NRG1: variants seen among roughly 807,000 people sequenced by gnomAD.
NRG1 encodes pro-neuregulin-1, membrane-bound isoform.
NRG1 carries 18 observed loss-of-function variants against 63.8 expected under a neutral mutation model. The ratio of observed to expected loss-of-function variants is 0.28; its 90% CI spans 0.19 to 0.42. The LOEUF (loss-of-function observed/expected upper bound fraction) is 0.42, where lower values mean the gene tolerates loss of function less well. Ranked by LOEUF, NRG1 falls within the 10% of genes least tolerant of loss-of-function variation. The probability of loss-of-function intolerance (pLI) is 1.00; values close to 1 mark genes in which losing one functional copy is unlikely to be tolerated. For synonymous variants in NRG1, 302 were observed against 301.3 expected, an observed-to-expected ratio of 1.00 and a Z score of -0.02; for missense variants, 762 against 814.7, an observed-to-expected ratio of 0.94 and a Z score of 0.79.
At chr8:32,231,894 C>CAAA (rs11292016) in intron 1 of NRG1, among the ~76,000 whole-genome samples, 1 of 135,822 alleles carries the variant, frequency 7.4e-6, no homozygotes, top group Non-Finnish European at 1.6e-5. Context: ...GACTCCATCT[C>CAAA]AAAAAAAAAA....
intron 1 of NRG1, among the ~76,000 whole-genome samples, chr8:32,109,153 C>T (rs1831667466): frequency 6.6e-6 from 1 of 152,178 alleles, no homozygotes; most frequent in African/African-American, 2.4e-5. Flanking sequence ...AGCTTATGAT[C>T]TCTCTACTAA....
intron 1 of NRG1, among the ~76,000 whole-genome samples, chr8:32,170,652 T>C (rs1839929402): frequency 6.6e-6 from 1 of 152,204 alleles, no homozygotes; most frequent in Admixed American, 6.5e-5. Flanking sequence ...TCATGTAGCA[T>C]GAAATGCAAT....
intron 1 of NRG1, among the ~76,000 whole-genome samples, chr8:32,341,377 G>A (rs750930021): frequency 2.0e-5 from 3 of 152,190 alleles, no homozygotes; most frequent in Non-Finnish European, 2.9e-5. Flanking sequence ...TTTTCCACTC[G>A]GGCAAAGTGA....
intron 1 of NRG1, among the ~76,000 whole-genome samples, chr8:32,397,274 G>GA (rs779254460): frequency 2.6e-5 from 4 of 152,120 alleles, no homozygotes; most frequent in Non-Finnish European, 2.9e-5. Context: ...TGACCAGAGT[G>GA]AAAATCTGAT....
At chr8:32,278,275 T>C (rs1273795938) in intron 1 of NRG1, among the ~76,000 whole-genome samples, 2 of 152,124 alleles carry the variant, frequency 1.3e-5, no homozygotes, top group Non-Finnish European at 2.9e-5. Flanking sequence ...TACTAAATTG[T>C]TAGTAAAAGC....
At chr8:32,598,292 A>T (rs2129538107) in intron 2 of NRG1, among the ~76,000 whole-genome samples, 1 of 152,244 alleles carries the variant, frequency 6.6e-6, no homozygotes, top group Non-Finnish European at 1.5e-5. Context: ...AAAGCATCTC[A>T]CATTGCAGAT....
intron 1 of NRG1, among the ~76,000 whole-genome samples, chr8:31,763,432 C>T (rs1032876204): frequency 1.3e-5 from 2 of 152,184 alleles, no homozygotes; most frequent in Non-Finnish European, 2.9e-5. Flanking sequence ...CATCTACAAG[C>T]TGGGTCCACA....
chr8:31,729,774 G>C (rs1813832541), intron 1 of NRG1, among the ~76,000 whole-genome samples: 1 of 152,068 alleles, frequency 6.6e-6, no homozygotes, highest in Non-Finnish European at 1.5e-5. Flanking sequence ...AAGGATCTGG[G>C]GAATCTGAGG....
intron 1 of NRG1, among the ~76,000 whole-genome samples, chr8:32,311,260 C>CTGGCAGGGGGA (rs1376275577): frequency 6.6e-6 from 1 of 152,130 alleles, no homozygotes; most frequent in African/African-American, 2.4e-5. Flanking sequence ...AGTATGCATT[C>CTGGCAGGGGGA]TGGCAGGGGG....
At chr8:32,344,415 ATGCATGTG>A (rs2129478622) in intron 1 of NRG1, among the ~76,000 whole-genome samples, 1 of 23,552 alleles carries the variant, frequency 4.2e-5, no homozygotes, top group Admixed American at 3.8e-4. Context: ...GCATGCGTGC[ATGCATGTG>A]TGTGTGTGTG....
At position 31,640,223 on chromosome 8, in the gene NRG1, C is replaced by T; in HGVS notation, c.37+792C>T. 1 of 1,157,336 alleles carries T rather than the reference C, an allele frequency of 8.6e-7. No individual in the cohort carries two copies. The highest frequency in any genetic ancestry group is 3.2e-4 in the Middle Eastern group (1 of 3,144). 71.7% of individuals were successfully genotyped at this position (1,157,336 alleles called of 1,614,324 possible). The stretch of plus-strand genomic sequence containing the variant: ...GTGCAGGAGCTAGCTCAGCGCGCCG[C>T]GGTGGTGATCGAGGGAAAGGTGCAC... On this transcript the variant is annotated intron_variant, in intron 1 of 10. Coordinates refer to the NRG1 transcript ENST00000519301. The surrounding 1 kb of genome is among the most constrained non-coding windows in gnomAD (Gnocchi z 6.3).
intron 1 of NRG1, among the ~76,000 whole-genome samples, chr8:32,197,332 A>G (rs1843061693): frequency 6.6e-6 from 1 of 152,146 alleles, no homozygotes; most frequent in South Asian, 2.1e-4. Context: ...CCACATAGGC[A>G]AGGTGATGTG....
At chr8:32,496,623 T>A (rs2129495676) in intron 1 of NRG1, among the ~76,000 whole-genome samples, 1 of 151,694 alleles carries the variant, frequency 6.6e-6, no homozygotes, top group East Asian at 1.9e-4. Flanking sequence ...AAAGGATAGG[T>A]GTGTTTGGGA....
rs2129040377 is a variant in NRG1, at chr8:32,742,786, G to A, written c.691+53G>A. On this transcript the variant is annotated intron_variant, in intron 7 of 11. Transcript: ENST00000356819. This position sits in a 1 kb window ranked among gnomAD's most constrained non-coding sequence, Gnocchi z 4.2. Reference sequence around the variant, plus strand: ...CTGAATAGGAGCATGCTCAGTTGGTGCTGCTTTCTTGTTGCTGCATCTCCC... The same window carrying A: ...CTGAATAGGAGCATGCTCAGTTGGTACTGCTTTCTTGTTGCTGCATCTCCC... 5.6e-6 allele frequency: 9 copies of A among 1,613,310 alleles called. No homozygotes were observed. Among genetic ancestry groups the A allele is most frequent in the Non-Finnish European group, 7.6e-6 (9 of 1,179,468 alleles).
chr8:32,333,965 A>C (rs1802949917), intron 1 of NRG1, among the ~76,000 whole-genome samples: 1 of 152,160 alleles, frequency 6.6e-6, no homozygotes, highest in Non-Finnish European at 1.5e-5. Context: ...ATTTCTGCTC[A>C]CCTTTTCCTA....
intron 5 of NRG1, among the ~76,000 whole-genome samples, chr8:32,680,215 C>T (rs931581257): frequency 2.0e-5 from 3 of 151,980 alleles, no homozygotes; most frequent in Non-Finnish European, 2.9e-5. Context: ...ATGAATGCAC[C>T]GTGGGTGGAA....
intron 5 of NRG1, among the ~76,000 whole-genome samples, chr8:32,640,620 G>GCACACACA (rs58796067): frequency 2.1e-3 from 282 of 132,284 alleles, no homozygotes; most frequent in African/African-American, 2.7e-3. Flanking sequence ...TCTCAGACCC[G>GCACACACA]CACACACACA....
chr8:32,609,000 TC>T (rs1196455830), intron 3 of NRG1, among the ~76,000 whole-genome samples: 5 of 152,136 alleles, frequency 3.3e-5, no homozygotes, highest in African/African-American at 1.2e-4. Context: ...TTACAAATTA[TC>T]TGCTGTCTGG....
intron 1 of NRG1, among the ~76,000 whole-genome samples, chr8:32,368,602 A>G (rs11777749): frequency 0.067 from 10,258 of 152,198 alleles, 543 homozygotes; most frequent in Non-Finnish European, 0.09. Flanking sequence ...ACTTCTATTT[A>G]TTTCTTCACC....
Sources: gnomAD v4.1 joint callset for allele counts (sites outside exome capture counted in the v4.1 genomes callset) on GRCh38, gnomAD v4.1.1 for gene constraint, Gnocchi (gnomAD v3.1) non-coding constraint, MANE v1.5 for transcripts, NCBI Gene and HGNC (gene_info 2026-07-23, HGNC 2026-07-21) for gene names.